The following PLXDC1 variants were observed in gnomAD, a reference collection of about 807,000 sequenced individuals.
The protein encoded by PLXDC1 is plexin domain containing 1.
In PLXDC1, 39 loss-of-function variants were observed where a neutral mutation model predicts 61.3. That is an observed-to-expected ratio of 0.64 (90% CI 0.49 to 0.83). PLXDC1 has a LOEUF of 0.83. Among genes scored for constraint, PLXDC1 ranks in the 40% least tolerant of loss-of-function variants. The pLI, the probability that PLXDC1 is intolerant of heterozygous loss-of-function variation, is 0.00. For synonymous variants in PLXDC1, 212 were observed against 254.5 expected, an observed-to-expected ratio of 0.83 and a Z score of 1.59; for missense variants, 596 against 666.5, an observed-to-expected ratio of 0.89 and a Z score of 1.17.
intron 2 of PLXDC1, among the ~76,000 whole-genome samples, chr17:39,128,050 TC>T (rs1911366406): frequency 1.2e-5 from 1 of 86,512 alleles, no homozygotes; most frequent in Non-Finnish European, 2.3e-5. Flanking sequence ...GACAGCTCTC[TC>T]TCTCTCTCTC....
At chr17:39,112,885 C>T (rs146834286) in intron 2 of PLXDC1, 20 of 152,308 alleles carry the variant, frequency 1.3e-4, no homozygotes, top group African/African-American at 4.6e-4. Context: ...CCAGCCAGCA[C>T]CAGATAGCCT....
At position 39,067,596 on chromosome 17, in the gene PLXDC1, C is replaced by G. The variant is rs1474162721; in HGVS notation, c.*244G>C. 2.3e-6 allele frequency: 1 copy of G among 434,408 alleles called. No homozygotes were observed. The highest frequency in any genetic ancestry group is 2.0e-5 in the African/African-American group (1 of 50,920). 26.9% of individuals were successfully genotyped at this position (434,408 alleles called of 1,614,324 possible). On this transcript the variant is annotated 3_prime_UTR_variant, in exon 14 of 14. Transcript: ENST00000315392. ...ATGGTTACAAGACACAGAAGAGAAC[C>G]CTTGCATCAAAACAGGATGAGATTA...
chr17:39,070,055 G>C (rs749723380), intron 12 of PLXDC1, 39 bp from the exon 13 acceptor site: 1 of 1,560,184 alleles, frequency 6.4e-7, no homozygotes, highest in South Asian at 1.1e-5. Context: ...GGCTGCAGGG[G>C]AGCAGGGAAG....
chr17:39,151,219 A>G lies in PLXDC1; in HGVS notation c.76+143T>C. 1.8e-6 allele frequency: 1 copy of G among 564,242 alleles called. No homozygotes were observed. Among genetic ancestry groups the G allele is most frequent in the Non-Finnish European group, 2.6e-6 (1 of 377,880 alleles). 35.0% of individuals were successfully genotyped at this position (564,242 alleles called of 1,614,324 possible). ...AAGTGGGGTCCCTATCCACCTGCCCACAGCCCACAGCTCTCCTGGCCTCCT... is the reference window on the plus strand; with the variant it reads ...AAGTGGGGTCCCTATCCACCTGCCCGCAGCCCACAGCTCTCCTGGCCTCCT... On this transcript the variant is annotated intron_variant, in intron 1 of 13. Coordinates refer to ENST00000315392, the MANE Select transcript of PLXDC1 (RefSeq NM_020405.5). This position sits in a 1 kb window ranked among gnomAD's most constrained non-coding sequence, Gnocchi z 5.2.
chr17:39,103,845 C>CA (rs11370520), intron 7 of PLXDC1, among the ~76,000 whole-genome samples: 63,158 of 116,384 alleles, frequency 0.54, 16,719 homozygotes, highest in South Asian at 0.63. Context: ...GACTCTGTCT[C>CA]AAAAAAAAAA....
chr17:39,151,469 T>A lies in PLXDC1; in HGVS notation c.-32A>T. 8.0e-7 allele frequency: 1 copy of A among 1,245,196 alleles called. No homozygotes were observed. The allele number at this position is 1,245,196 out of a possible 1,614,324, so 77.1% of individuals were successfully genotyped here. ...TGCCCGGACCTGCCCCCGGCCTGCTTGCTGCCCCGGTCCTGACGAGGGAGG... is the reference window on the plus strand; with the variant it reads ...TGCCCGGACCTGCCCCCGGCCTGCTAGCTGCCCCGGTCCTGACGAGGGAGG... On this transcript the variant is annotated 5_prime_UTR_variant, in exon 1 of 14. Coordinates refer to ENST00000315392, the MANE Select transcript of PLXDC1 (RefSeq NM_020405.5). This position sits in a 1 kb window ranked among gnomAD's most constrained non-coding sequence, Gnocchi z 5.2.
chr17:39,110,872 G>C (rs1910775497), intron 2 of PLXDC1, among the ~76,000 whole-genome samples: 1 of 152,166 alleles, frequency 6.6e-6, no homozygotes, highest in Non-Finnish European at 1.5e-5. Context: ...AAGCATGGTT[G>C]GTTGGTGTCG....
chr17:39,127,255 C>T (rs1206348888), intron 2 of PLXDC1, among the ~76,000 whole-genome samples: 2 of 152,126 alleles, frequency 1.3e-5, no homozygotes, highest in Non-Finnish European at 2.9e-5. Context: ...TCTACCTCAT[C>T]TGGGACCTGA....
intron 8 of PLXDC1, among the ~76,000 whole-genome samples, chr17:39,086,737 C>T (rs1281112636): frequency 1.3e-5 from 2 of 151,592 alleles, no homozygotes; most frequent in East Asian, 1.9e-4. Flanking sequence ...TGGCGGGTGC[C>T]TGTAATCCCA....
At chr17:39,094,263 T>G (rs1910061074) in intron 7 of PLXDC1, among the ~76,000 whole-genome samples, 5 of 152,006 alleles carry the variant, frequency 3.3e-5, no homozygotes, top group Admixed American at 3.3e-4. Flanking sequence ...TCCCCACTCA[T>G]TACTCCCAGG....
Position 39,063,553 on chromosome 17 carries a change from G to A in PLXDC1, c.*4287C>T, listed in dbSNP as rs1010190107. The A allele has an allele frequency of 1.4e-6, 1 of 697,172 alleles. No individual in the cohort carries two copies. Among genetic ancestry groups the A allele is most frequent in the African/African-American group, 1.8e-5 (1 of 56,948 alleles). 43.2% of individuals were successfully genotyped at this position (697,172 alleles called of 1,614,324 possible). On this transcript the variant is annotated 3_prime_UTR_variant, in exon 14 of 14. Transcript: ENST00000315392. ...AGCAGCCATCAGAACCAAGGTATGT[G>A]TGGTGATCTTCGGAATGCCACTCCA...
At chr17:39,152,035 A>G (rs2045377327), upstream of PLXDC1, among the ~76,000 whole-genome samples, 1 of 151,476 alleles carries the variant, frequency 6.6e-6, no homozygotes, top group African/African-American at 2.4e-5. Flanking sequence ...CGACTTCCTG[A>G]GCTGTTCTTC....
At chr17:39,132,111 G>C (rs1162020148) in intron 2 of PLXDC1, 2 of 152,494 alleles carry the variant, frequency 1.3e-5, no homozygotes, top group East Asian at 3.9e-4. Context: ...GAAAGGGAGG[G>C]GCACCTCCTC....
chr17:39,104,587 A>G (rs1014036851), intron 7 of PLXDC1, among the ~76,000 whole-genome samples: 10 of 152,122 alleles, frequency 6.6e-5, no homozygotes, highest in Non-Finnish European at 1.5e-4. Context: ...AGTTTGAGAC[A>G]AGCCTGGGAA....
intron 7 of PLXDC1, among the ~76,000 whole-genome samples, chr17:39,098,230 A>AAAT (rs1910295481): frequency 6.9e-6 from 1 of 145,386 alleles, no homozygotes; most frequent in Non-Finnish European, 1.5e-5. Flanking sequence ...AAAAAAAAAA[A>AAAT]ATCCGTATAC....
intron 7 of PLXDC1, among the ~76,000 whole-genome samples, chr17:39,105,454 C>G (rs1278313398): frequency 1.3e-5 from 2 of 152,058 alleles, no homozygotes; most frequent in Non-Finnish European, 2.9e-5. Flanking sequence ...AACAGCATGG[C>G]CGAGGCTGGA....
chr17:39,116,827 A>G (rs1456565584), intron 2 of PLXDC1, among the ~76,000 whole-genome samples: 2 of 152,352 alleles, frequency 1.3e-5, no homozygotes, highest in Admixed American at 1.3e-4. Flanking sequence ...AGGGCTGCCT[A>G]TAGCCACTGA....
chr17:39,083,076 T>A (rs1909619420), intron 9 of PLXDC1, among the ~76,000 whole-genome samples: 1 of 152,176 alleles, frequency 6.6e-6, no homozygotes. Flanking sequence ...TGTTTGCAGA[T>A]GAAGCATGAT....
intron 8 of PLXDC1, among the ~76,000 whole-genome samples, chr17:39,086,445 C>G (rs1909743006): frequency 6.6e-6 from 1 of 152,184 alleles, no homozygotes; most frequent in South Asian, 2.1e-4. Context: ...TCCTTCTCCA[C>G]CCCCTGCTCT....
Sources: gnomAD v4.1 joint callset for allele counts (sites outside exome capture counted in the v4.1 genomes callset) on GRCh38, gnomAD v4.1.1 for gene constraint, Gnocchi (gnomAD v3.1) non-coding constraint, MANE v1.5 for transcripts, NCBI Gene and HGNC (gene_info 2026-07-23, HGNC 2026-07-21) for gene names.